The following SLC25A16 variants were observed in gnomAD, a reference collection of about 807,000 sequenced individuals.
SLC25A16 encodes the protein solute carrier family 25 member 16.
Under a neutral mutation model 41.5 loss-of-function variants are expected in SLC25A16, and 39 were observed. The ratio of observed to expected loss-of-function variants is 0.94; its 90% CI spans 0.73 to 1.23. The LOEUF is 1.23. Among genes scored for constraint, SLC25A16 ranks in the 50% most tolerant of loss-of-function variants. The probability of loss-of-function intolerance (pLI) is 0.00; values close to 1 mark genes in which losing one functional copy is unlikely to be tolerated. For missense variants in SLC25A16, 421 were observed against 426.9 expected (o/e 0.99, Z 0.12); for synonymous variants, 146 against 147.8 (o/e 0.99, Z 0.09).
At chr10:68,488,691 C>G (rs750927064) in intron 6 of SLC25A16, 62 bp from the exon 7 acceptor site, 1 of 1,302,060 alleles carries the variant, frequency 7.7e-7, no homozygotes, top group Admixed American at 2.2e-5. Context: ...GAAAAAGACA[C>G]CATTCTTAAA....
chr10:68,485,658 T>C (rs1020957179), intron 8 of SLC25A16, among the ~76,000 whole-genome samples: 3 of 151,978 alleles, frequency 2.0e-5, no homozygotes, highest in Non-Finnish European at 2.9e-5. Flanking sequence ...GCTGGGATTA[T>C]AGGCGTGAGC....
At chr10:68,516,079 T>C (rs2053156854) in intron 2 of SLC25A16, among the ~76,000 whole-genome samples, 4 of 152,160 alleles carry the variant, frequency 2.6e-5, no homozygotes, top group Admixed American at 1.3e-4. Flanking sequence ...AATTTGCCCA[T>C]TTGAAATGCT....
chr10:68,511,908 G>A (rs1010219385), intron 2 of SLC25A16, among the ~76,000 whole-genome samples: 1 of 151,680 alleles, frequency 6.6e-6, no homozygotes, highest in African/African-American at 2.4e-5. Flanking sequence ...CCAGGCTGGA[G>A]TACAGTAGCA....
At chr10:68,525,715 T>G (rs949564663) in intron 1 of SLC25A16, among the ~76,000 whole-genome samples, 3 of 152,152 alleles carry the variant, frequency 2.0e-5, no homozygotes, top group African/African-American at 4.8e-5. Flanking sequence ...TGTGTCTGTG[T>G]AGAAAGAAGT....
intron 4 of SLC25A16, among the ~76,000 whole-genome samples, chr10:68,494,328 G>A (rs1044521021): frequency 3.6e-5 from 5 of 139,782 alleles, no homozygotes; most frequent in Non-Finnish European, 8.2e-5. Context: ...TGGGTGTGGC[G>A]GCACATTCCT....
At chr10:68,485,104 C>G (rs1430300146) in intron 8 of SLC25A16, among the ~76,000 whole-genome samples, 1 of 151,906 alleles carries the variant, frequency 6.6e-6, no homozygotes, top group Non-Finnish European at 1.5e-5. Flanking sequence ...TTTTTCTTTT[C>G]TTTTTTATTG....
At position 68,525,794 on chromosome 10, in the gene SLC25A16, T is replaced by G. The variant is rs955631832; in HGVS notation, c.130+1452A>C. Among the ~76,000 whole-genome samples the G allele has an allele frequency of 2.2e-4, 34 of 152,336 alleles. 1 individual carries two copies. Among genetic ancestry groups the G allele is most frequent in the Non-Finnish European group, 4.6e-4 (31 of 68,034 alleles). ...TCTGCCTTGAGATTCTGTTAATCTA[T>G]AACCTTACCCCCAACCCCGTGCTCT... On this transcript the variant is annotated intron_variant, in intron 1 of 8. Coordinates refer to ENST00000609923, the MANE Select transcript of SLC25A16 (RefSeq NM_152707.4).
At chr10:68,499,162 A>G (rs1181544940) in intron 4 of SLC25A16, among the ~76,000 whole-genome samples, 1 of 152,174 alleles carries the variant, frequency 6.6e-6, no homozygotes, top group Non-Finnish European at 1.5e-5. Context: ...CCTCTTTAAC[A>G]AACATACAGG....
In SLC25A16 at chr10:68,496,425, A is replaced by G. The variant is rs2052751141; in HGVS notation, c.422-2855T>C. On this transcript the variant is annotated intron_variant, in intron 4 of 8. Coordinates refer to ENST00000609923, the MANE Select transcript of SLC25A16 (RefSeq NM_152707.4). ...GATGTACAAATAAGGCAAATCAGAA[A>G]CTGCTTACCTTGAATAGTGGTGGTA... 5 of 955,172 alleles carry G rather than the reference A, an allele frequency of 5.2e-6. No individual in the cohort carries two copies. In the Admixed American group the frequency reaches 3.1e-4, roughly 59 times the overall value. 59.2% of individuals were successfully genotyped at this position (955,172 alleles called of 1,614,324 possible).
intron 7 of SLC25A16, 109 bp from the exon 8 acceptor site, chr10:68,487,321 T>C (rs964303337): frequency 3.9e-6 from 3 of 773,778 alleles, no homozygotes; most frequent in African/African-American, 1.7e-5. Context: ...ACTGCTCTTA[T>C]TGTTCTGTCT....
At chr10:68,492,986 ATAT>A (rs34275431) in intron 6 of SLC25A16, 143 bp downstream of exon 6, 25,421 of 617,982 alleles carry the variant, frequency 0.041, 637 homozygotes, top group Middle Eastern at 0.071. Flanking sequence ...TATATCCAAG[ATAT>A]TATTATGTGA....
intron 3 of SLC25A16, among the ~76,000 whole-genome samples, chr10:68,505,517 T>C (rs2052935957): frequency 6.6e-6 from 1 of 151,900 alleles, no homozygotes; most frequent in African/African-American, 2.4e-5. Context: ...GCTATGCCTG[T>C]AATCCCAAGA....
intron 7 of SLC25A16, among the ~76,000 whole-genome samples, chr10:68,488,139 C>T (rs115590507): frequency 0.022 from 3,399 of 152,140 alleles, 126 homozygotes; most frequent in African/African-American, 0.078. Flanking sequence ...CGTGAGTCAC[C>T]GCGCCCACCC....
intron 4 of SLC25A16, among the ~76,000 whole-genome samples, chr10:68,499,124 GGA>G (rs150461343): frequency 6.6e-6 from 1 of 151,480 alleles, no homozygotes; most frequent in African/African-American, 2.4e-5. Context: ...GAGGGTTGGG[GGA>G]GAGAGAGAGA....
At position 68,482,368 on chromosome 10, in the gene SLC25A16, T is replaced by G. The variant is rs574062734; in HGVS notation, c.*1064A>C. Reference sequence around the variant, plus strand: ...ATGGAATTCTTACATTTTAAAACATTTTCTTAATATAAAGGATAACAATTC... The same window carrying G: ...ATGGAATTCTTACATTTTAAAACATGTTCTTAATATAAAGGATAACAATTC... On this transcript the variant is annotated 3_prime_UTR_variant, in exon 9 of 9. Transcript: ENST00000609923. 3.1e-4 allele frequency: 48 copies of G among 152,736 alleles called. No homozygotes were observed. In the South Asian group the frequency reaches 9.1e-3, roughly 29 times the overall value. 9.5% of individuals were successfully genotyped at this position (152,736 alleles called of 1,614,324 possible). A position where few individuals can be genotyped will look rare whatever the true frequency, so the allele number is the denominator to read the frequency against.
chr10:68,526,831 C>T (rs2053345494), intron 1 of SLC25A16, among the ~76,000 whole-genome samples: 1 of 152,194 alleles, frequency 6.6e-6, no homozygotes, highest in Non-Finnish European at 1.5e-5. Flanking sequence ...CATTAAAAAG[C>T]TGATCTCCAA....
chr10:68,485,656 T>A (rs1303526417), intron 8 of SLC25A16, among the ~76,000 whole-genome samples: 2 of 152,028 alleles, frequency 1.3e-5, no homozygotes, highest in Non-Finnish European at 2.9e-5. Flanking sequence ...GTGCTGGGAT[T>A]ATAGGCGTGA....
chr10:68,499,702 G>A (rs2133534726), intron 4 of SLC25A16: 1 of 369,336 alleles, frequency 2.7e-6, no homozygotes, highest in Non-Finnish European at 5.4e-6. Flanking sequence ...TGAAGGTCAG[G>A]TTGTATGAGG....
At position 68,478,864 on chromosome 10, in the gene SLC25A16, TCTC is replaced by T. The variant is rs2052455341; in HGVS notation, c.*4565_*4567del. 6.6e-6 allele frequency: 1 copy of T among 151,892 alleles called. No homozygotes were observed. Among genetic ancestry groups the T allele is most frequent in the African/African-American group, 2.4e-5 (1 of 41,332 alleles). The allele number at this position is 151,892 out of a possible 1,614,324, so 9.4% of individuals were successfully genotyped here. A position where few individuals can be genotyped will look rare whatever the true frequency, so the allele number is the denominator to read the frequency against. On this transcript the variant is annotated 3_prime_UTR_variant, in exon 9 of 9. Transcript: ENST00000609923. ...CCTCCGCCTTCTGGGTTCAAGCAAT[TCTC>T]CTACCTCAGCCTCCCAAGTAGCTGG...
Sources: gnomAD v4.1 joint callset for allele counts (sites outside exome capture counted in the v4.1 genomes callset) on GRCh38, gnomAD v4.1.1 for gene constraint, MANE v1.5 for transcripts, NCBI Gene and HGNC (gene_info 2026-07-23, HGNC 2026-07-21) for gene names.